The following ACACA variants were observed in gnomAD, a reference collection of about 807,000 sequenced individuals.
ACACA encodes the protein acetyl-CoA carboxylase alpha.
A neutral mutation model predicts 296.1 loss-of-function variants in ACACA; 103 were observed. The observed-to-expected ratio is 0.35, with a 90% CI of 0.30 to 0.41. ACACA has a LOEUF of 0.41. ACACA is among the 10% of genes least tolerant of loss of function. ACACA has a pLI of 1.00. For missense variants in ACACA, 1,554 were observed against 2,989.7 expected, an observed-to-expected ratio of 0.52 and a Z score of 11.20; for synonymous variants, 953 against 1,038.6, an observed-to-expected ratio of 0.92 and a Z score of 1.58.
chr17:37,157,161 T>C (rs928377915), intron 42 of ACACA, among the ~76,000 whole-genome samples: 2 of 151,932 alleles, frequency 1.3e-5, no homozygotes, highest in Non-Finnish European at 2.9e-5. Flanking sequence ...TTAGAAAAAA[T>C]AACCAAGGAA....
chr17:37,390,247 TATATATTATATATAATTATATATA>T lies in ACACA; in HGVS notation c.38+15991_38+16014del, dbSNP rs1391766786. Among the ~76,000 whole-genome samples the T allele has an allele frequency of 5.8e-3, 211 of 36,216 alleles. 1 individual carries two copies. The highest frequency in any genetic ancestry group is 7.6e-3 in the Non-Finnish European group (186 of 24,508). 23.8% of individuals were successfully genotyped at this position (36,216 alleles called of 152,430 possible). On this transcript the variant is annotated intron_variant, in intron 1 of 55. Transcript: ENST00000616317. Reference sequence around the variant, plus strand: ...ATATAATTATATATAATATATTATATATATATTATATATAATTATATATAATATATTATATATAATTATATATTA... The same window carrying T: ...ATATAATTATATATAATATATTATATATATATTATATATAATTATATATTA...
intron 45 of ACACA, among the ~76,000 whole-genome samples, chr17:37,136,251 C>A (rs1457298281): frequency 6.6e-6 from 1 of 152,046 alleles, no homozygotes; most frequent in Non-Finnish European, 1.5e-5. Flanking sequence ...AACCATTGAT[C>A]TTTTTGTTCC....
At chr17:37,405,855 C>CT (rs3049528) in intron 1 of ACACA, among the ~76,000 whole-genome samples, 10,719 of 53,638 alleles carry the variant, frequency 0.2, 2,437 homozygotes, top group East Asian at 0.22. Context: ...CCCGGCAGGG[C>CT]TTTTTTTTTT....
At chr17:37,148,330 C>T (rs946956414) in intron 45 of ACACA, among the ~76,000 whole-genome samples, 1 of 152,048 alleles carries the variant, frequency 6.6e-6, no homozygotes, top group Non-Finnish European at 1.5e-5. Context: ...TTCCAGGCTA[C>T]TCTCCAAAAA....
At position 37,085,878 on chromosome 17, in the gene ACACA, T is replaced by C. The variant is rs2072164987; in HGVS notation, c.*1438A>G. 1 of 399,070 alleles carries C rather than the reference T, an allele frequency of 2.5e-6. No homozygotes were observed. The highest frequency in any genetic ancestry group is 3.6e-5 in the East Asian group (1 of 28,084). The allele number at this position is 399,070 out of a possible 1,614,324, so 24.7% of individuals were successfully genotyped here. A position where few individuals can be genotyped will look rare whatever the true frequency, so the allele number is the denominator to read the frequency against. Reference sequence around the variant, plus strand: ...TCAAATGTCTTAGTGATTTCCTCCTTGGTCATCAGTGACAAATGCAGTTAG... The same window carrying C: ...TCAAATGTCTTAGTGATTTCCTCCTCGGTCATCAGTGACAAATGCAGTTAG... On this transcript the variant is annotated 3_prime_UTR_variant, in exon 56 of 56. Transcript: ENST00000616317.
chr17:37,094,370 A>T (rs962313421), intron 54 of ACACA, among the ~76,000 whole-genome samples: 11 of 152,182 alleles, frequency 7.2e-5, no homozygotes, highest in Non-Finnish European at 1.3e-4. Flanking sequence ...CAGGATTAAG[A>T]TTAAGAAAAC....
Position 37,390,330 on chromosome 17 carries a change from A to ATATATATCTATATCTATATATC in ACACA, c.38+15931_38+15932insGATATATAGATATAGATATATA, listed in dbSNP as rs1386032855. Among the ~76,000 whole-genome samples, 2 of 41,592 alleles carry ATATATATCTATATCTATATATC rather than the reference A, an allele frequency of 4.8e-5. 1 individual carries two copies. The highest frequency in any genetic ancestry group is 1.0e-3 in the Admixed American group (2 of 1,998). 27.3% of individuals were successfully genotyped at this position (41,592 alleles called of 152,430 possible). ...TATATATATATATATATATATATAT[A>ATATATATCTATATCTATATATC]TATAAAAGGCCAGCTGGGCCGGGCA... On this transcript the variant is annotated intron_variant, in intron 1 of 55. Coordinates refer to ENST00000616317, the MANE Select transcript of ACACA (RefSeq NM_198834.3).
chr17:37,202,668 C>CATATATAT (rs1179497445), intron 33 of ACACA, among the ~76,000 whole-genome samples: 67 of 70,914 alleles, frequency 9.4e-4, no homozygotes, highest in Non-Finnish European at 1.4e-3. Context: ...CCTTTTCTTT[C>CATATATAT]ATATATATAT....
At chr17:37,297,805 C>T (rs180780488) in intron 3 of ACACA, among the ~76,000 whole-genome samples, 3 of 152,112 alleles carry the variant, frequency 2.0e-5, no homozygotes, top group Non-Finnish European at 4.4e-5. Flanking sequence ...CCCGCCTTGG[C>T]CTCGCAAAGT....
At chr17:37,310,858 C>T (rs1462660046) in intron 3 of ACACA, among the ~76,000 whole-genome samples, 1 of 148,176 alleles carries the variant, frequency 6.7e-6, no homozygotes, top group Non-Finnish European at 1.5e-5. Flanking sequence ...AGGACCAGAA[C>T]CAAGCAATGA....
chr17:37,223,097 T>A (rs912360605), intron 28 of ACACA, among the ~76,000 whole-genome samples: 1 of 152,254 alleles, frequency 6.6e-6, no homozygotes, highest in African/African-American at 2.4e-5. Flanking sequence ...AAGTATTTCA[T>A]AAGAGCTGCT....
intron 41 of ACACA, among the ~76,000 whole-genome samples, chr17:37,170,907 G>A (rs1321151467): frequency 6.6e-6 from 1 of 152,194 alleles, no homozygotes; most frequent in East Asian, 1.9e-4. Context: ...GAAATTTGCA[G>A]GAAAAGCTAA....
intron 41 of ACACA, among the ~76,000 whole-genome samples, chr17:37,173,820 CTT>C: frequency 7.2e-6 from 1 of 139,814 alleles, no homozygotes; most frequent in Non-Finnish European, 1.6e-5. Flanking sequence ...GGCAGCTAGT[CTT>C]TTTTTTTTTC....
intron 50 of ACACA, among the ~76,000 whole-genome samples, chr17:37,117,371 A>C (rs1234162982): frequency 1.3e-5 from 2 of 152,214 alleles, no homozygotes; most frequent in South Asian, 2.1e-4. Context: ...GTTTTCAATA[A>C]ATTTTTTTTA....
intron 15 of ACACA, among the ~76,000 whole-genome samples, chr17:37,252,619 A>G (rs1353927441): frequency 6.6e-6 from 1 of 152,226 alleles, no homozygotes; most frequent in Non-Finnish European, 1.5e-5. Flanking sequence ...ACCAGGTTTA[A>G]CATTAAATGA....
At chr17:37,291,141 C>A (rs2146716817) in intron 3 of ACACA, among the ~76,000 whole-genome samples, 1 of 87,140 alleles carries the variant, frequency 1.1e-5, no homozygotes, top group East Asian at 3.6e-4. Flanking sequence ...ATGAAAAACA[C>A]ATACACACAC....
At chr17:37,373,917 T>C (rs746797525) in intron 1 of ACACA, among the ~76,000 whole-genome samples, 8 of 152,118 alleles carry the variant, frequency 5.3e-5, no homozygotes, top group Non-Finnish European at 1.2e-4. Context: ...AACCACCTCC[T>C]CTGCTAAGAG....
chr17:37,388,600 G>A, intron 1 of ACACA: 1 of 1,521,578 alleles, frequency 6.6e-7, no homozygotes, highest in Non-Finnish European at 9.0e-7. Flanking sequence ...AGAACTTCAG[G>A]TCAAAGGATC....
At chr17:37,351,756 T>G (rs984044256) in intron 1 of ACACA, among the ~76,000 whole-genome samples, 3 of 152,162 alleles carry the variant, frequency 2.0e-5, no homozygotes, top group Non-Finnish European at 4.4e-5. Context: ...TCTTGCTATG[T>G]TAACGAGGCT....
Sources: allele counts gnomAD v4.1 joint callset (sites outside exome capture counted in the v4.1 genomes callset), GRCh38; gene constraint gnomAD v4.1.1; transcripts MANE v1.5; gene names NCBI Gene and HGNC (gene_info 2026-07-23, HGNC 2026-07-21).